JAKMIP1: variants seen among roughly 807,000 people sequenced by gnomAD.
The protein encoded by JAKMIP1 is janus kinase and microtubule interacting protein 1, also known as janus kinase and microtubule-interacting protein 1.
JAKMIP1 carries 33 observed loss-of-function variants against 113.0 expected under a neutral mutation model. The observed-to-expected ratio is 0.29, with a 90% confidence interval of 0.22 to 0.39. The LOEUF (loss-of-function observed/expected upper bound fraction) is 0.39. JAKMIP1 is among the 10% of genes least tolerant of loss of function. JAKMIP1 has a pLI of 1.00. For synonymous variants in JAKMIP1, 480 were observed against 459.9 expected (o/e 1.04, Z -0.56); for missense variants, 813 against 1,080.5 (o/e 0.75, Z 3.47).
intron 8 of JAKMIP1, among the ~76,000 whole-genome samples, chr4:6,075,078 A>C (rs149464885): frequency 4.9e-4 from 74 of 152,350 alleles, no homozygotes; most frequent in Non-Finnish European, 8.7e-4. Flanking sequence ...GAATAATGAA[A>C]AGGAAAAAAA....
chr4:6,170,031 A>ACCC (rs1724210964), intron 1 of JAKMIP1, among the ~76,000 whole-genome samples: 1 of 98,330 alleles, frequency 1.0e-5, no homozygotes, highest in Admixed American at 1.1e-4. Context: ...CCACATTCCC[A>ACCC]TCACCACCAC....
intron 1 of JAKMIP1, among the ~76,000 whole-genome samples, chr4:6,128,498 G>A (rs1389405803): frequency 2.0e-5 from 3 of 152,106 alleles, no homozygotes; most frequent in Non-Finnish European, 4.4e-5. Flanking sequence ...GTCCAAGCCC[G>A]TGGGCTGGGA....
At chr4:6,060,962 G>A (rs541130554) in intron 10 of JAKMIP1, among the ~76,000 whole-genome samples, 3 of 152,344 alleles carry the variant, frequency 2.0e-5, no homozygotes, top group Admixed American at 1.3e-4. Flanking sequence ...TGCAGCAGGA[G>A]CTGCAAAGCA....
At chr4:6,098,713 A>C (rs1182896716) in intron 3 of JAKMIP1, among the ~76,000 whole-genome samples, 27 of 31,802 alleles carry the variant, frequency 8.5e-4, no homozygotes, top group Admixed American at 6.7e-3. Context: ...AGAAAGAAAG[A>C]AAGAAAGAAA....
chr4:6,161,780 G>C (rs1722995151), intron 1 of JAKMIP1, among the ~76,000 whole-genome samples: 1 of 152,112 alleles, frequency 6.6e-6, no homozygotes, highest in Admixed American at 6.5e-5. Flanking sequence ...GTGTGGAGGA[G>C]GAACTGGAGG....
intron 1 of JAKMIP1, among the ~76,000 whole-genome samples, chr4:6,126,812 T>C (rs1304751104): frequency 6.6e-6 from 1 of 150,440 alleles, no homozygotes; most frequent in East Asian, 2.0e-4. Flanking sequence ...ACACACATCA[T>C]ACAGAAACAC....
chr4:6,136,124 T>C lies in JAKMIP1; in HGVS notation c.-147-23127A>G, dbSNP rs1719207599. Among the ~76,000 whole-genome samples the C allele has an allele frequency of 6.6e-6, 1 of 152,046 alleles. No homozygotes were observed. The highest frequency in any genetic ancestry group is 2.4e-5 in the African/African-American group (1 of 41,400). On this transcript the variant is annotated intron_variant, in intron 1 of 20. Coordinates refer to ENST00000409021, the MANE Select transcript of JAKMIP1 (RefSeq NM_001099433.2). The surrounding 1 kb of genome is among the most constrained non-coding windows in gnomAD (Gnocchi z 5.9). Reference sequence around the variant, plus strand: ...GGCCGGGCATGGTGGTGGGTTCCTGTATTCCCAGCTGCTGGGGAGGCTGAG... The same window carrying C: ...GGCCGGGCATGGTGGTGGGTTCCTGCATTCCCAGCTGCTGGGGAGGCTGAG...
intron 5 of JAKMIP1, among the ~76,000 whole-genome samples, chr4:6,082,719 C>T (rs964459962): frequency 1.3e-5 from 2 of 152,072 alleles, no homozygotes; most frequent in African/African-American, 4.8e-5. Flanking sequence ...CCAAGCTGGG[C>T]TGGAACTCCT....
chr4:6,155,637 G>T lies in JAKMIP1; in HGVS notation c.-147-42640C>A, dbSNP rs4495117. The stretch of plus-strand genomic sequence containing the variant: ...ATATTCAGCTGCAGGGACATGCACG[G>T]ATGTGCTGTTTACAACAAGGAAAAT... On this transcript the variant is annotated intron_variant, in intron 1 of 20. Transcript: ENST00000409021. This position sits in a 1 kb window ranked among gnomAD's most constrained non-coding sequence, Gnocchi z 6.1. 0.043 allele frequency among the ~76,000 whole-genome samples: 6,496 copies of T among 152,324 alleles called. 187 individuals carry two copies. The highest frequency in any genetic ancestry group is 0.077 in the South Asian group (371 of 4,820).
chr4:6,061,676 C>T lies in JAKMIP1; in HGVS notation c.1560+636G>A, dbSNP rs551384715. 1.2e-4 allele frequency among the ~76,000 whole-genome samples: 17 copies of T among 144,142 alleles called. No individual in the cohort carries two copies. The highest frequency in any genetic ancestry group is 4.4e-4 in the African/African-American group (17 of 38,366). 94.6% of individuals were successfully genotyped at this position (144,142 alleles called of 152,430 possible). ...GTTAATTCCTCCTGCTTCAGGGGGC[C>T]AGTGTGGGGGTGAGATGGGGGAGGG... On this transcript the variant is annotated intron_variant, in intron 10 of 20. Coordinates refer to ENST00000409021, the MANE Select transcript of JAKMIP1 (RefSeq NM_001099433.2). The surrounding 1 kb of genome is among the most constrained non-coding windows in gnomAD (Gnocchi z 5.3).
At position 6,188,642 on chromosome 4, in the gene JAKMIP1, C is replaced by A. The variant is rs1189983603; in HGVS notation, c.-148+11611G>T. Among the ~76,000 whole-genome samples the A allele has an allele frequency of 6.6e-6, 1 of 152,186 alleles. No individual in the cohort carries two copies. Among genetic ancestry groups the A allele is most frequent in the Non-Finnish European group, 1.5e-5 (1 of 68,036 alleles). On this transcript the variant is annotated intron_variant, in intron 1 of 20. Coordinates refer to ENST00000409021, the MANE Select transcript of JAKMIP1 (RefSeq NM_001099433.2). The surrounding 1 kb of genome is among the most constrained non-coding windows in gnomAD (Gnocchi z 5.8). ...AAATTAGCAACTTATTAATCTGGGG[C>A]ACCTGAGGTTTGGGGCACCTGCATC... is the stretch of plus-strand genomic sequence containing the variant.
In JAKMIP1 at chr4:6,123,144, C is replaced by T. The variant is rs569315330; in HGVS notation, c.-147-10147G>A. ...CAATGCTACTAGTTTGCAACATACC[C>T]TCGAAAATGCACACCTATCTTGAGG... On this transcript the variant is annotated intron_variant, in intron 1 of 20. Transcript: ENST00000409021. 8.5e-5 allele frequency among the ~76,000 whole-genome samples: 13 copies of T among 152,316 alleles called. No homozygotes were observed. The East Asian group carries it at 2.5e-3, about 29-fold the overall frequency.
chr4:6,107,027 G>C (rs1004613111), intron 2 of JAKMIP1, among the ~76,000 whole-genome samples: 1 of 152,108 alleles, frequency 6.6e-6, no homozygotes, highest in Non-Finnish European at 1.5e-5. Context: ...AGGTAAAAAA[G>C]CAAATAAAAC....
chr4:6,119,006 C>T lies in JAKMIP1; in HGVS notation c.-147-6009G>A, dbSNP rs528005399. The stretch of plus-strand genomic sequence containing the variant: ...AAGACACACAGAGGAGAAGCCCAAG[C>T]GAAGTCAGGGAAGAGACCGGAGCAC... On this transcript the variant is annotated intron_variant, in intron 1 of 20. Transcript: ENST00000409021. Among the ~76,000 whole-genome samples, 24 of 152,264 alleles carry T rather than the reference C, an allele frequency of 1.6e-4. No individual in the cohort carries two copies. The South Asian group carries it at 3.1e-3, about 20-fold the overall frequency.
intron 1 of JAKMIP1, among the ~76,000 whole-genome samples, chr4:6,159,088 C>CA (rs111279741): frequency 0.78 from 112,475 of 143,530 alleles, 46,500 homozygotes; most frequent in East Asian, 0.94. Flanking sequence ...GATCCTGTCT[C>CA]AAAAAAAAAA....
intron 9 of JAKMIP1, among the ~76,000 whole-genome samples, chr4:6,062,690 C>T (rs1387096213): frequency 6.6e-6 from 1 of 152,170 alleles, no homozygotes; most frequent in Non-Finnish European, 1.5e-5. Context: ...CAGCCATCAG[C>T]ACTCCTCCCA....
intron 12 of JAKMIP1, among the ~76,000 whole-genome samples, chr4:6,054,531 T>G (rs751919086): frequency 1.4e-4 from 22 of 152,174 alleles, no homozygotes; most frequent in Non-Finnish European, 1.9e-4. Context: ...TGTCCAGGTC[T>G]TTCCAACTCA....
In JAKMIP1 at chr4:6,069,849, CA is replaced by C. The variant is rs1347863886; in HGVS notation, c.1303-4842del. 6.6e-6 allele frequency among the ~76,000 whole-genome samples: 1 copy of C among 152,144 alleles called. No homozygotes were observed. The highest frequency in any genetic ancestry group is 2.4e-5 in the African/African-American group (1 of 41,406). Reference sequence around the variant, plus strand: ...TTGCATATACAGAGGTGCTCTTCCTCAGCGGGTCAGATGAAGCAGAGGGAAA... The same window carrying C: ...TTGCATATACAGAGGTGCTCTTCCTCGCGGGTCAGATGAAGCAGAGGGAAA... On this transcript the variant is annotated intron_variant, in intron 8 of 20. Coordinates refer to ENST00000409021, the MANE Select transcript of JAKMIP1 (RefSeq NM_001099433.2). This position sits in a 1 kb window ranked among gnomAD's most constrained non-coding sequence, Gnocchi z 4.5.
In JAKMIP1 at chr4:6,145,143, C is replaced by T. The variant is rs981852950; in HGVS notation, c.-147-32146G>A. ...GGATATAGTCTAGAGGATGCAAGTA[C>T]CTTTTTGCACCACCACTGGATCAGC... On this transcript the variant is annotated intron_variant, in intron 1 of 20. Transcript: ENST00000409021. 2.0e-5 allele frequency among the ~76,000 whole-genome samples: 3 copies of T among 152,142 alleles called. No homozygotes were observed. The South Asian group carries it at 6.2e-4, about 32-fold the overall frequency.
Sources: gnomAD v4.1 joint callset for allele counts (sites outside exome capture counted in the v4.1 genomes callset) on GRCh38, gnomAD v4.1.1 for gene constraint, Gnocchi (gnomAD v3.1) non-coding constraint, MANE v1.5 for transcripts, NCBI Gene and HGNC (gene_info 2026-07-23, HGNC 2026-07-21) for gene names.